PTPRC: variants seen among roughly 807,000 people sequenced by gnomAD.
The protein encoded by PTPRC is protein tyrosine phosphatase receptor type C, also known as receptor-type tyrosine-protein phosphatase C.
A neutral mutation model predicts 155.9 loss-of-function variants in PTPRC; 44 were observed. That is an observed-to-expected ratio of 0.28 (90% CI 0.22 to 0.36). PTPRC has a LOEUF of 0.36. Among genes scored for constraint, PTPRC ranks in the 10% least tolerant of loss-of-function variants. The pLI is 1.00. For missense variants in PTPRC, 1,401 were observed against 1,564.6 expected, an observed-to-expected ratio of 0.90 and a Z score of 1.76; for synonymous variants, 525 against 533.1, an observed-to-expected ratio of 0.98 and a Z score of 0.21.
intron 2 of PTPRC, among the ~76,000 whole-genome samples, chr1:198,673,448 G>A (rs1664765438): frequency 6.6e-6 from 1 of 152,040 alleles, no homozygotes; most frequent in African/African-American, 2.4e-5. Flanking sequence ...AATGATTCAG[G>A]AAGCTAATGT....
intron 17 of PTPRC, among the ~76,000 whole-genome samples, chr1:198,729,912 G>A (rs1400406819): frequency 6.6e-6 from 1 of 152,110 alleles, no homozygotes. Context: ...GGGACGAGTG[G>A]ATGGAAGTCA....
rs568942553 is a variant in PTPRC at position 198,713,044 on chromosome 1, T to A, written c.1263T>A (p.Asn421Lys). ...ATCCCCCTCAAAGATCATTTCATAATTTTACCCTCTGTTATATAAAAGAGA... is the reference window on the plus strand; with the variant it reads ...ATCCCCCTCAAAGATCATTTCATAAATTTACCCTCTGTTATATAAAAGAGA... The part of the protein sequence containing the change: ...TWNPPQRSFH[N>K]FTLCYIKETE... Residue 421 changes from asparagine to lysine, a missense_variant, in exon 12 of 33, where the codon AAT becomes AAA. Asn to Lys is a moderately conservative substitution (Grantham distance 94). This residue lies in a region of PTPRC where 867 missense variants were observed against 970.4 expected (regional missense o/e 0.89). Coordinates refer to ENST00000442510, the MANE Select transcript of PTPRC (RefSeq NM_002838.5). 1 of 1,613,804 alleles carries A rather than the reference T, an allele frequency of 6.2e-7. No individual in the cohort carries two copies. The highest frequency in any genetic ancestry group is 2.2e-5 in the East Asian group (1 of 44,822).
At chr1:198,718,970 G>C (rs1197818689) in intron 14 of PTPRC, among the ~76,000 whole-genome samples, 2 of 151,850 alleles carry the variant, frequency 1.3e-5, no homozygotes, top group Non-Finnish European at 2.9e-5. Flanking sequence ...TTCTATGTAT[G>C]GCTTTATCAC....
In PTPRC at chr1:198,756,227, T is replaced by G. The variant is rs552154189; in HGVS notation, c.*46T>G. ...ACTCCAAACCTCCTGTTAGCTGTTA[T>G]TTCTATTTTTGTAGAAGTAGGAAGT... On this transcript the variant is annotated 3_prime_UTR_variant, in exon 33 of 33. Coordinates refer to ENST00000442510, the MANE Select transcript of PTPRC (RefSeq NM_002838.5). 2 of 1,607,622 alleles carry G rather than the reference T, an allele frequency of 1.2e-6. No homozygotes were observed. The highest frequency in any genetic ancestry group is 2.2e-5 in the South Asian group (2 of 90,702).
At chr1:198,699,880 C>A in intron 5 of PTPRC, 176 bp downstream of exon 5, 1 of 803,008 alleles carries the variant, frequency 1.2e-6, no homozygotes. Context: ...GTCCTTTTAA[C>A]AGAGATGAAA....
At position 198,731,646 on chromosome 1, in the gene PTPRC, C is replaced by T. The variant is rs1174214848; in HGVS notation, c.1894C>T (p.Pro632Ser). 2 of 1,610,666 alleles carry T rather than the reference C, an allele frequency of 1.2e-6. No individual in the cohort carries two copies. The highest frequency in any genetic ancestry group is 2.2e-5 in the South Asian group (2 of 91,042). The change falls in exon 18 of 33, where the codon CCA (proline) becomes TCA (serine). Residue 632 changes from proline to serine, a missense_variant. Pro to Ser is a moderately conservative substitution (Grantham distance 74, BLOSUM62 -1). Around this residue, in one of 3 missense-constraint regions of PTPRC, gnomAD observed 867 missense variants for 970.4 expected, o/e 0.89. Transcript: ENST00000442510. ...TGAAAAACAACTGATGAATGTGGAG[C>T]CAATCCATGCAGATATTTTGTTGGA... Reference protein sequence around the residue: ...DDEKQLMNVEPIHADILLETY... With the variant: ...DDEKQLMNVESIHADILLETY...
chr1:198,657,897 T>C (rs887548836), intron 2 of PTPRC: 1 of 152,168 alleles, frequency 6.6e-6, no homozygotes, highest in African/African-American at 2.4e-5. Flanking sequence ...AAAAATGCAT[T>C]TGTGGCATCT....
chr1:198,684,390 G>T (rs557738151), intron 2 of PTPRC, among the ~76,000 whole-genome samples: 1 of 151,916 alleles, frequency 6.6e-6, no homozygotes, highest in Admixed American at 6.6e-5. Flanking sequence ...TTGGGAGACA[G>T]CTAGATATGG....
chr1:198,721,323 G>A (rs1653874789), intron 14 of PTPRC, among the ~76,000 whole-genome samples: 1 of 151,854 alleles, frequency 6.6e-6, no homozygotes, highest in African/African-American at 2.4e-5. Context: ...TCTTCAGGTG[G>A]CTTTCGGATT....
At chr1:198,736,696 A>G (rs1251199339) in intron 23 of PTPRC, among the ~76,000 whole-genome samples, 1 of 151,720 alleles carries the variant, frequency 6.6e-6, no homozygotes, top group Admixed American at 6.6e-5. Flanking sequence ...TCTTTGCGGT[A>G]TATACCTAGC....
At chr1:198,745,123 C>T (rs973730127) in intron 26 of PTPRC, among the ~76,000 whole-genome samples, 13 of 151,892 alleles carry the variant, frequency 8.6e-5, no homozygotes, top group African/African-American at 3.1e-4. Context: ...CTGTTAGAGA[C>T]AGTTATACAT....
intron 2 of PTPRC, among the ~76,000 whole-genome samples, chr1:198,655,200 C>G (rs968934698): frequency 6.6e-6 from 1 of 150,432 alleles, no homozygotes; most frequent in African/African-American, 2.4e-5. Context: ...ATATTTCCTG[C>G]TTTTATTTGA....
intron 2 of PTPRC, among the ~76,000 whole-genome samples, chr1:198,641,244 T>G (rs2102168819): frequency 6.6e-6 from 1 of 152,194 alleles, no homozygotes; most frequent in African/African-American, 2.4e-5. Context: ...CCTTTCAAGT[T>G]GCAAGAAACA....
At position 198,717,485 on chromosome 1, in the gene PTPRC, T is replaced by C. The variant is rs115303481; in HGVS notation, c.1451-609T>C. Among the ~76,000 whole-genome samples the C allele has an allele frequency of 9.0e-3, 1,367 of 152,308 alleles. 9 individuals carry two copies. The highest frequency in any genetic ancestry group is 0.012 in the Non-Finnish European group (822 of 68,022). On this transcript the variant is annotated intron_variant, in intron 13 of 32. Transcript: ENST00000442510. ...CGTGTTTTAAGGCAGCATCTATAGC[T>C]CCAGAGACCCTAACGGGCACTAGAC...
intron 2 of PTPRC, among the ~76,000 whole-genome samples, chr1:198,656,209 C>A (rs955472724): frequency 6.6e-6 from 1 of 151,886 alleles, no homozygotes; most frequent in African/African-American, 2.4e-5. Flanking sequence ...ACGAATTGTA[C>A]CTACCAGAGG....
intron 2 of PTPRC, among the ~76,000 whole-genome samples, chr1:198,658,497 C>T (rs913073234): frequency 1.1e-4 from 17 of 152,068 alleles, no homozygotes; most frequent in African/African-American, 3.6e-4. Flanking sequence ...ATAAGGATAA[C>T]GTAGAATGTT....
intron 2 of PTPRC, among the ~76,000 whole-genome samples, chr1:198,676,268 A>C (rs1426398401): frequency 6.6e-6 from 1 of 152,224 alleles, no homozygotes; most frequent in Non-Finnish European, 1.5e-5. Flanking sequence ...CAACATAAGC[A>C]TTAGGTGTTC....
Position 198,742,349 on chromosome 1 carries a change from C to T in PTPRC, c.2679C>T (p.Cys893=), listed in dbSNP as rs1256271544. Residue 893 remains cysteine, a synonymous_variant, in exon 25 of 33, where the codon TGC becomes TGT. Transcript: ENST00000442510. ...TTGTCAAGCTAAGGCGACAGAGATG[C>T]CTGATGGTTCAAGTAGAGGTATGTT... ...GYVVKLRRQR[C]LMVQVEAQYI... 3 of 1,612,016 alleles carry T rather than the reference C, an allele frequency of 1.9e-6. No individual in the cohort carries two copies. Among genetic ancestry groups the T allele is most frequent in the Non-Finnish European group, 2.5e-6 (3 of 1,178,672 alleles).
chr1:198,734,484 T>C, intron 22 of PTPRC, 59 bp downstream of exon 22: 1 of 1,489,154 alleles, frequency 6.7e-7, no homozygotes, highest in Non-Finnish European at 9.4e-7. Flanking sequence ...AGGTGTTGAA[T>C]GGCATTTTGA....
Sources: gnomAD v4.1 joint callset for allele counts (sites outside exome capture counted in the v4.1 genomes callset) on GRCh38, gnomAD v4.1.1 for gene constraint, gnomAD v4.1.1 regional missense constraint, MANE v1.5 for transcripts, NCBI Gene and HGNC (gene_info 2026-07-23, HGNC 2026-07-21) for gene names.